The following ORC1 variants were observed in gnomAD, a reference collection of about 807,000 sequenced individuals.
The protein encoded by ORC1 is origin recognition complex subunit 1.
In ORC1, 61 loss-of-function variants were observed where a neutral mutation model predicts 98.9. The ratio of observed to expected loss-of-function variants is 0.62; its 90% CI spans 0.50 to 0.76. The LOEUF (loss-of-function observed/expected upper bound fraction) is 0.76. ORC1 is among the 30% of genes least tolerant of loss of function. ORC1 has a pLI of 0.00. For synonymous variants in ORC1, 385 were observed against 406.9 expected (o/e 0.95, Z 0.65); for missense variants, 979 against 1,072.2 (o/e 0.91, Z 1.21).
At chr1:52,408,259 A>G, upstream of ORC1, 1 of 429,446 alleles carries the variant, frequency 2.3e-6, no homozygotes, top group Non-Finnish European at 4.5e-6. Flanking sequence ...AATAAAATTC[A>G]GTATTTCTTT....
intron 14 of ORC1, among the ~76,000 whole-genome samples, chr1:52,379,618 T>C (rs1370148875): frequency 1.3e-5 from 2 of 152,040 alleles, no homozygotes; most frequent in East Asian, 3.9e-4. Flanking sequence ...ATGCCTTAGA[T>C]CAGGAAACAA....
Position 52,374,936 on chromosome 1 carries a change from C to A in ORC1, c.2304-39G>T, listed in dbSNP as rs1226754509. 3.1e-6 allele frequency: 4 copies of A among 1,291,818 alleles called. No homozygotes were observed. In the South Asian group the frequency reaches 4.7e-5, roughly 15 times the overall value. 80.0% of individuals were successfully genotyped at this position (1,291,818 alleles called of 1,614,324 possible). Reference sequence around the variant, plus strand: ...AGGGGATGTGAGTTTTTGTCAGTGGCTGTAACCCCAGCCCAGAGGAAAGCC... The same window carrying A: ...AGGGGATGTGAGTTTTTGTCAGTGGATGTAACCCCAGCCCAGAGGAAAGCC... On this transcript the variant is annotated intron_variant, in intron 15 of 16. Transcript: ENST00000371568.
intron 5 of ORC1, among the ~76,000 whole-genome samples, chr1:52,394,036 C>T (rs910810335): frequency 1.3e-5 from 2 of 152,188 alleles, no homozygotes; most frequent in African/African-American, 4.8e-5. Flanking sequence ...TTTAAGTCAG[C>T]TTTTGCAGAT....
chr1:52,396,096 G>A lies in ORC1; in HGVS notation c.671C>T (p.Thr224Ile), dbSNP rs375125827. The change falls in exon 5 of 17, where the codon ACT (threonine) becomes ATT (isoleucine). Residue 224 changes from threonine to isoleucine, a missense_variant. Coordinates refer to ENST00000371568, the MANE Select transcript of ORC1 (RefSeq NM_004153.4). Reference sequence around the variant, plus strand: ...TCTTGGGGTAAGAGGATGGGTAGGAGTTTGGCGAGATTTGGAGGCGGAGTG... The same window carrying A: ...TCTTGGGGTAAGAGGATGGGTAGGAATTTGGCGAGATTTGGAGGCGGAGTG... ...SRHSASKSRQTPTHPLTPRAR... is the reference protein window; with the variant it reads ...SRHSASKSRQIPTHPLTPRAR... 1.2e-6 allele frequency: 2 copies of A among 1,614,060 alleles called. No individual in the cohort carries two copies. The highest frequency in any genetic ancestry group is 8.5e-7 in the Non-Finnish European group (1 of 1,180,046).
upstream of ORC1, chr1:52,409,386 A>G (rs1410655368): frequency 6.6e-6 from 1 of 152,352 alleles, no homozygotes; most frequent in Non-Finnish European, 1.5e-5. Context: ...CAACATGGGC[A>G]GATCACTTGA....
intron 7 of ORC1, among the ~76,000 whole-genome samples, 179 bp downstream of exon 7, chr1:52,389,038 A>G (rs759701406): frequency 3.3e-5 from 5 of 152,220 alleles, no homozygotes; most frequent in Non-Finnish European, 5.9e-5. Context: ...CCCAGGAAGT[A>G]TTTCTTGCCC....
chr1:52,397,623 A>G, intron 4 of ORC1, 62 bp downstream of exon 4: 1 of 1,485,694 alleles, frequency 6.7e-7, no homozygotes, highest in Non-Finnish European at 9.4e-7. Flanking sequence ...TGGGGTCATG[A>G]AGTTCAGGAG....
intron 13 of ORC1, among the ~76,000 whole-genome samples, chr1:52,382,656 CGCAA>C (rs1374847635): frequency 6.7e-6 from 1 of 148,964 alleles, no homozygotes; most frequent in African/African-American, 2.5e-5. Context: ...CCTGGCTCAC[CGCAA>C]CCTCCGCCTC....
At chr1:52,402,043 T>C (rs1647733501) in intron 2 of ORC1, 86 bp downstream of exon 2, 3 of 946,288 alleles carry the variant, frequency 3.2e-6, no homozygotes, top group Admixed American at 1.8e-5. Flanking sequence ...GGTCAATCTG[T>C]AGTAATTAGA....
At position 52,373,113 on chromosome 1, in the gene ORC1, C is replaced by A. The variant is rs3087479; in HGVS notation, c.*68G>T. ...TGCCACTGCACTCCAGCCTGGGCGA[C>A]AGAGCAAGACCCTGTCTCAAAAAAC... On this transcript the variant is annotated 3_prime_UTR_variant, in exon 17 of 17. Transcript: ENST00000371568. The A allele has an allele frequency of 8.5e-5, 129 of 1,522,234 alleles. 1 individual carries two copies. The African/African-American group carries it at 1.5e-3, about 17-fold the overall frequency. The allele number at this position is 1,522,234 out of a possible 1,614,324, so 94.3% of individuals were successfully genotyped here.
intron 14 of ORC1, among the ~76,000 whole-genome samples, chr1:52,377,189 ATT>A (rs1437652219): frequency 6.6e-6 from 1 of 151,944 alleles, no homozygotes; most frequent in African/African-American, 2.4e-5. Context: ...CACCTGGCTA[ATT>A]TTTTGTATTT....
At chr1:52,390,773 T>C (rs1400773733) in intron 6 of ORC1, among the ~76,000 whole-genome samples, 4 of 151,764 alleles carry the variant, frequency 2.6e-5, no homozygotes, top group Non-Finnish European at 5.9e-5. Flanking sequence ...GTGCCTGTAA[T>C]CTCAGCTACT....
intron 6 of ORC1, among the ~76,000 whole-genome samples, chr1:52,390,599 T>A (rs1647195784): frequency 6.6e-6 from 1 of 151,750 alleles, no homozygotes. Context: ...GAGTTTGAGA[T>A]CAGCCTGGCC....
intron 14 of ORC1, among the ~76,000 whole-genome samples, chr1:52,380,678 G>A (rs747147803): frequency 5.3e-5 from 8 of 150,240 alleles, no homozygotes; most frequent in East Asian, 1.9e-4. Context: ...CTGGGCGACC[G>A]AGTGAGATGC....
intron 6 of ORC1, among the ~76,000 whole-genome samples, chr1:52,390,589 G>A (rs1647195675): frequency 6.6e-6 from 1 of 152,142 alleles, no homozygotes; most frequent in Non-Finnish European, 1.5e-5. Flanking sequence ...CTAAGGTCTG[G>A]AGTTTGAGAT....
chr1:52,386,560 A>T (rs915341563), intron 8 of ORC1, among the ~76,000 whole-genome samples: 4 of 152,158 alleles, frequency 2.6e-5, no homozygotes, highest in African/African-American at 9.7e-5. Context: ...TCTACAAAGC[A>T]TTCCCTTCTA....
chr1:52,408,720 C>T (rs775003456), upstream of ORC1: 1 of 1,609,128 alleles, frequency 6.2e-7, no homozygotes, highest in Non-Finnish European at 8.5e-7. Context: ...TCCTGATTGT[C>T]ATTTTTAAGC....
rs1158731137 is a variant in ORC1, at chr1:52,397,703, G to A, written c.384C>T (p.Thr128=). The change falls in exon 4 of 17, where the codon ACC becomes ACT. Residue 128 remains threonine (T), a synonymous_variant. Transcript: ENST00000371568. ...PACDSNINAE[T]IIGLVRVIPL... The stretch of plus-strand genomic sequence containing the variant: ...CACCTACCCGAACAAGGCCAATGAT[G>A]GTCTCCGCATTAATGTTGCTGTCAC... The A allele has an allele frequency of 1.2e-6, 2 of 1,614,098 alleles. No homozygotes were observed. Among genetic ancestry groups the A allele is most frequent in the South Asian group, 1.1e-5 (1 of 91,086 alleles).
At chr1:52,387,243 T>C (rs1446341105) in intron 8 of ORC1, among the ~76,000 whole-genome samples, 1 of 152,094 alleles carries the variant, frequency 6.6e-6, no homozygotes, top group Non-Finnish European at 1.5e-5. Flanking sequence ...TAGATTCTCA[T>C]AGGAGTGCAA....
Sources: allele counts gnomAD v4.1 joint callset (sites outside exome capture counted in the v4.1 genomes callset), GRCh38; gene constraint gnomAD v4.1.1; transcripts MANE v1.5; gene names NCBI Gene and HGNC (gene_info 2026-07-23, HGNC 2026-07-21).